VRK2: variants seen among roughly 807,000 people sequenced by gnomAD.
The protein encoded by VRK2 is serine/threonine-protein kinase VRK2.
Under a neutral mutation model 57.6 loss-of-function variants are expected in VRK2, and 60 were observed. The ratio of observed to expected loss-of-function variants is 1.04; its 90% CI spans 0.85 to 1.29. The LOEUF (loss-of-function observed/expected upper bound fraction) is 1.29, where lower values mean the gene tolerates loss of function less well. Ranked by LOEUF, VRK2 falls within the 50% of genes most tolerant of loss-of-function variation. The pLI is 0.00. For synonymous variants in VRK2, 231 were observed against 199.2 expected (o/e 1.16, Z -1.35); for missense variants, 705 against 588.1 (o/e 1.20, Z -2.06).
chr2:58,103,430 G>C (rs1230586312), intron 7 of VRK2, among the ~76,000 whole-genome samples: 1 of 151,580 alleles, frequency 6.6e-6, no homozygotes, highest in Non-Finnish European at 1.5e-5. Flanking sequence ...TACTACCACA[G>C]AAATGCAAGA....
At chr2:58,089,752 G>C in intron 7 of VRK2, 29 bp downstream of exon 7, 16 of 1,476,140 alleles carry the variant, frequency 1.1e-5, no homozygotes, top group Non-Finnish European at 1.5e-5. Context: ...TTTTAATAAA[G>C]GTCTTTAATG....
intron 12 of VRK2, chr2:58,147,320 T>C: frequency 2.6e-6 from 1 of 382,062 alleles, no homozygotes; most frequent in Non-Finnish European, 5.3e-6. Context: ...TTTTTAGTAC[T>C]AATAGCAATC....
intron 7 of VRK2, among the ~76,000 whole-genome samples, chr2:58,115,806 G>T (rs1331252274): frequency 6.6e-6 from 1 of 152,214 alleles, no homozygotes; most frequent in South Asian, 2.1e-4. Flanking sequence ...TACAGCCCAG[G>T]TAATTTGCTG....
chr2:58,084,169 A>G, intron 3 of VRK2, 31 bp downstream of exon 3: 1 of 1,572,672 alleles, frequency 6.4e-7, no homozygotes, highest in East Asian at 2.3e-5. Flanking sequence ...TGTATTTCAC[A>G]TATATTTGAC....
intron 1 of VRK2, chr2:58,025,560 A>G (rs1673898992): frequency 6.6e-6 from 1 of 152,166 alleles, no homozygotes; most frequent in Non-Finnish European, 1.5e-5. Context: ...TTTGTTGCTC[A>G]AGGTTATTTT....
intron 2 of VRK2, among the ~76,000 whole-genome samples, chr2:58,056,465 T>C (rs145663366): frequency 6.6e-6 from 1 of 152,264 alleles, no homozygotes; most frequent in East Asian, 1.9e-4. Context: ...TGCTCTGATA[T>C]TAAACCAGAG....
rs577961993 is a variant in VRK2 at position 58,055,885 on chromosome 2, T to C, written c.136+6918T>C. On this transcript the variant is annotated intron_variant, in intron 2 of 12. Coordinates refer to ENST00000340157, the MANE Select transcript of VRK2 (RefSeq NM_006296.7). ...TCAATGCAGAAAATCTTCTGAGTTT[T>C]CTATCAATAAAAACTTAGTTAACCA... is the stretch of plus-strand genomic sequence containing the variant. 2.1e-4 allele frequency among the ~76,000 whole-genome samples: 32 copies of C among 152,304 alleles called. No homozygotes were observed. In the Middle Eastern group the frequency reaches 0.014, roughly 65 times the overall value.
At chr2:58,029,907 T>C (rs1465481623) in intron 2 of VRK2, among the ~76,000 whole-genome samples, 3 of 152,158 alleles carry the variant, frequency 2.0e-5, no homozygotes, top group Non-Finnish European at 4.4e-5. Context: ...TGGCATGCCA[T>C]ATTTTCCTGG....
chr2:58,147,795 TCA>T (rs1682382953), intron 12 of VRK2, among the ~76,000 whole-genome samples: 5 of 126,958 alleles, frequency 3.9e-5, no homozygotes, highest in Admixed American at 2.4e-4. Flanking sequence ...CTTCTTTCAC[TCA>T]GTGTTTTTTT....
At chr2:58,120,707 T>C (rs57176368) in intron 7 of VRK2, among the ~76,000 whole-genome samples, 37,723 of 152,080 alleles carry the variant, frequency 0.25, 5,456 homozygotes, top group African/African-American at 0.41. Flanking sequence ...AAAAATTCTT[T>C]TCTTTCCCTT....
Position 57,996,133 on chromosome 2 carries a change from T to TG in VRK2, c.-438-29532_-438-29531insG, listed in dbSNP as rs1672915366. 2.0e-5 allele frequency among the ~76,000 whole-genome samples: 3 copies of TG among 152,242 alleles called. No individual in the cohort carries two copies. In the South Asian group the frequency reaches 6.2e-4, roughly 32 times the overall value. On this transcript the variant is annotated intron_variant, in intron 1 of 15. Coordinates refer to the VRK2 transcript ENST00000417641. ...AGTTATATGCAAATACTATGCCATTTTATACAAGGGACTTAAACATCCAAC... is the reference window on the plus strand; with the variant it reads ...AGTTATATGCAAATACTATGCCATTTGTATACAAGGGACTTAAACATCCAAC...
chr2:58,083,773 T>C (rs1024023333), intron 2 of VRK2, among the ~76,000 whole-genome samples: 5 of 151,830 alleles, frequency 3.3e-5, no homozygotes, highest in African/African-American at 1.2e-4. Context: ...ATCTATATGA[T>C]TCATATTGTC....
chr2:57,983,229 T>A (rs2104056839), intron 1 of VRK2, among the ~76,000 whole-genome samples: 1 of 152,324 alleles, frequency 6.6e-6, no homozygotes, highest in Non-Finnish European at 1.5e-5. Context: ...TAGTCAGCCA[T>A]CTTGGCTCTC....
At chr2:58,144,573 A>G (rs960397743) in intron 11 of VRK2, among the ~76,000 whole-genome samples, 10 of 152,118 alleles carry the variant, frequency 6.6e-5, no homozygotes, top group Non-Finnish European at 1.2e-4. Context: ...CATGGAACAC[A>G]TTTTCACAAG....
At chr2:58,134,636 A>G (rs1466266031) in intron 9 of VRK2, among the ~76,000 whole-genome samples, 3 of 151,162 alleles carry the variant, frequency 2.0e-5, no homozygotes, top group Non-Finnish European at 4.4e-5. Context: ...AAAAAAAAAA[A>G]AGAATATGGA....
chr2:57,978,123 T>C lies in VRK2; in HGVS notation c.-438-47542T>C, dbSNP rs1182053795. 2.6e-5 allele frequency among the ~76,000 whole-genome samples: 4 copies of C among 151,172 alleles called. No homozygotes were observed. In the East Asian group the frequency reaches 5.8e-4, roughly 22 times the overall value. On this transcript the variant is annotated intron_variant, in intron 1 of 15. Transcript: ENST00000417641. The stretch of plus-strand genomic sequence containing the variant: ...CTACTTTAAGAGTATTGTTTAATAA[T>C]GTATGTTACAAAAAAAGGACTTAAT...
chr2:58,111,831 G>C (rs545228016), intron 7 of VRK2, among the ~76,000 whole-genome samples: 2 of 152,034 alleles, frequency 1.3e-5, no homozygotes, highest in Admixed American at 6.6e-5. Context: ...ACCAAAACAA[G>C]TTTTATTTTA....
intron 7 of VRK2, among the ~76,000 whole-genome samples, chr2:58,112,417 C>G (rs1675703029): frequency 1.3e-5 from 2 of 152,138 alleles, no homozygotes; most frequent in African/African-American, 4.8e-5. Context: ...TCCCCCACAT[C>G]TCCTTTGTTC....
intron 1 of VRK2, among the ~76,000 whole-genome samples, chr2:57,967,319 C>A (rs1671952455): frequency 6.6e-6 from 1 of 151,760 alleles, no homozygotes; most frequent in Non-Finnish European, 1.5e-5. Context: ...TACATGTATA[C>A]CTATGTAACA....
Sources: allele counts gnomAD v4.1 joint callset (sites outside exome capture counted in the v4.1 genomes callset), GRCh38; gene constraint gnomAD v4.1.1; transcripts MANE v1.5; gene names NCBI Gene and HGNC (gene_info 2026-07-23, HGNC 2026-07-21).